LOC128462377: variants seen among roughly 807,000 people sequenced by gnomAD.
the LOC128462377 span, among the ~76,000 whole-genome samples, chr16:89,334,871 G>C: frequency 1.3e-5 from 2 of 152,138 alleles, no homozygotes; most frequent in African/African-American, 4.8e-5. Flanking sequence ...TGGATTCGAA[G>C]AGCCAGACAC....
chr16:89,368,317 C>T, the LOC128462377 span, among the ~76,000 whole-genome samples: 1 of 150,872 alleles, frequency 6.6e-6, no homozygotes, highest in Non-Finnish European at 1.5e-5. Context: ...CTGCCATAGC[C>T]TCCTGAATAG....
chr16:89,405,606 T>A, the LOC128462377 span, among the ~76,000 whole-genome samples: 1 of 151,670 alleles, frequency 6.6e-6, no homozygotes, highest in Non-Finnish European at 1.5e-5. Context: ...AGTGCTGGGA[T>A]TACAGGCCTG....
At chr16:89,384,874 G>GTTTTTTTTTTTTT in the LOC128462377 span, among the ~76,000 whole-genome samples, 10 of 72,742 alleles carry the variant, frequency 1.4e-4, 1 homozygote, top group African/African-American at 4.5e-4. Flanking sequence ...ATGAGAAATA[G>GTTTTTTTTTTTTT]TTTTCTTTTT....
the LOC128462377 span, among the ~76,000 whole-genome samples, chr16:89,375,373 G>A: frequency 6.6e-6 from 1 of 152,212 alleles, no homozygotes; most frequent in African/African-American, 2.4e-5. Flanking sequence ...TGGATCGTTT[G>A]AGCCCGGGAG....
the LOC128462377 span, among the ~76,000 whole-genome samples, chr16:89,350,451 C>A: frequency 6.6e-6 from 1 of 152,186 alleles, no homozygotes; most frequent in African/African-American, 2.4e-5. Context: ...GAACATGCGA[C>A]ATATCTACCC....
chr16:89,397,294 A>G, the LOC128462377 span, among the ~76,000 whole-genome samples: 1 of 152,210 alleles, frequency 6.6e-6, no homozygotes, highest in Non-Finnish European at 1.5e-5. Flanking sequence ...GAACCCCCTC[A>G]GGGCAAGGCC....
chr16:89,336,505 T>A, the LOC128462377 span, among the ~76,000 whole-genome samples: 6 of 152,314 alleles, frequency 3.9e-5, no homozygotes, highest in Non-Finnish European at 7.4e-5. Context: ...TAGCAGGACA[T>A]TGCCCAGATT....
the LOC128462377 span, among the ~76,000 whole-genome samples, chr16:89,399,822 G>T: frequency 6.6e-6 from 1 of 152,004 alleles, no homozygotes; most frequent in Non-Finnish European, 1.5e-5. Flanking sequence ...TTTTTAAAGT[G>T]ACCATCCTGT....
At chr16:89,334,146 A>AT in the LOC128462377 span, among the ~76,000 whole-genome samples, 1 of 113,450 alleles carries the variant, frequency 8.8e-6, no homozygotes, top group Non-Finnish European at 1.9e-5. Flanking sequence ...CTGTGTTTTA[A>AT]AAAAAAAAAA....
At chr16:89,334,268 A>ACAATCC in the LOC128462377 span, among the ~76,000 whole-genome samples, 1 of 151,344 alleles carries the variant, frequency 6.6e-6, no homozygotes, top group Non-Finnish European at 1.5e-5. Flanking sequence ...AATGGCCTTC[A>ACAATCC]CAATCCCTGC....
the LOC128462377 span, chr16:89,372,862 C>A: frequency 6.6e-6 from 1 of 151,962 alleles, no homozygotes; most frequent in African/African-American, 2.4e-5. Context: ...CCTGCACCAC[C>A]CGTTCATCAG....
chr16:89,338,412 C>G, the LOC128462377 span, among the ~76,000 whole-genome samples: 2 of 132,680 alleles, frequency 1.5e-5, no homozygotes, highest in South Asian at 4.9e-4. Flanking sequence ...CTGTACTTAA[C>G]ATACACTCTG....
chr16:89,409,450 G>T, the LOC128462377 span, among the ~76,000 whole-genome samples: 1 of 152,182 alleles, frequency 6.6e-6, no homozygotes, highest in Non-Finnish European at 1.5e-5. Flanking sequence ...TCTTGTGCAC[G>T]TCACGGCCCT....
the LOC128462377 span, among the ~76,000 whole-genome samples, chr16:89,346,945 G>A: frequency 4.7e-3 from 709 of 152,284 alleles, 7 homozygotes; most frequent in African/African-American, 0.015. Flanking sequence ...CAAGCTACAC[G>A]ACACAATAGG....
chr16:89,373,863 A>G, the LOC128462377 span, among the ~76,000 whole-genome samples: 1 of 152,216 alleles, frequency 6.6e-6, no homozygotes, highest in Non-Finnish European at 1.5e-5. Flanking sequence ...TAGAGCTGCT[A>G]TTAATTGCAC....
chr16:89,415,853 A>AAAAAAAAAAAAAAAAAAAAAAAAAAT, the LOC128462377 span, among the ~76,000 whole-genome samples: 1 of 147,858 alleles, frequency 6.8e-6, no homozygotes. Context: ...AAAAAAAACA[A>AAAAAAAAAAAAAAAAAAAAAAAAAAT]TGGAGAACCA....
At chr16:89,322,580 G>C in the LOC128462377 span, among the ~76,000 whole-genome samples, 1 of 152,076 alleles carries the variant, frequency 6.6e-6, no homozygotes, top group Non-Finnish European at 1.5e-5. Context: ...AGCTCTCCCA[G>C]AACCTTCAAT....
the LOC128462377 span, chr16:89,321,068 G>C: frequency 6.6e-6 from 1 of 152,614 alleles, no homozygotes; most frequent in Non-Finnish European, 1.5e-5. Flanking sequence ...AGCGAGCACA[G>C]AGCCTTCGCC....
chr16:89,330,793 TG>T, the LOC128462377 span, among the ~76,000 whole-genome samples: 1 of 151,788 alleles, frequency 6.6e-6, no homozygotes, highest in South Asian at 2.1e-4. Flanking sequence ...CAGAGAACGG[TG>T]CTCCACTTCT....
Sources: gnomAD v4.1 joint callset for allele counts (sites outside exome capture counted in the v4.1 genomes callset) on GRCh38, gnomAD v4.1.1 for gene constraint, MANE v1.5 for transcripts.